Variants in MINDY2 observed in about 807,000 individuals in gnomAD.
The protein encoded by MINDY2 is MINDY lysine 48 deubiquitinase 2, also known as ubiquitin carboxyl-terminal hydrolase MINDY-2.
MINDY2 carries 52 observed loss-of-function variants against 68.2 expected under a neutral mutation model. That is an observed-to-expected ratio of 0.76 (90% CI 0.61 to 0.96). The LOEUF is 0.96. Among genes scored for constraint, MINDY2 ranks in the 40% least tolerant of loss-of-function variants. The pLI, the probability that MINDY2 is intolerant of heterozygous loss-of-function variation, is 0.00. For missense variants in MINDY2, 881 were observed against 773.4 expected, an observed-to-expected ratio of 1.14 and a Z score of -1.65; for synonymous variants, 372 against 303.0, an observed-to-expected ratio of 1.23 and a Z score of -2.36.
chr15:58,789,302 C>G (rs1037180053), intron 2 of MINDY2, among the ~76,000 whole-genome samples: 6 of 152,200 alleles, frequency 3.9e-5, no homozygotes, highest in African/African-American at 1.2e-4. Flanking sequence ...TGCACCACTG[C>G]ACTCCAGCCT....
chr15:58,840,769 G>C (rs1189850705), intron 6 of MINDY2, among the ~76,000 whole-genome samples: 2 of 148,752 alleles, frequency 1.3e-5, no homozygotes, highest in African/African-American at 4.9e-5. Context: ...CCATTCTCCT[G>C]CCTCAGCCTC....
intron 6 of MINDY2, among the ~76,000 whole-genome samples, chr15:58,833,179 A>G (rs2031824567): frequency 6.6e-6 from 1 of 152,234 alleles, no homozygotes; most frequent in South Asian, 2.1e-4. Context: ...CATCAGTAAT[A>G]TACCGAAAAT....
At chr15:58,796,757 A>G (rs1436712064) in intron 2 of MINDY2, among the ~76,000 whole-genome samples, 1 of 152,184 alleles carries the variant, frequency 6.6e-6, no homozygotes, top group African/African-American at 2.4e-5. Context: ...TCCTGACCTC[A>G]AGTGATCCAC....
chr15:58,787,845 C>T, intron 1 of MINDY2, 61 bp from the exon 2 acceptor site: 2 of 1,138,132 alleles, frequency 1.8e-6, no homozygotes, highest in Non-Finnish European at 2.6e-6. Context: ...TTTCTGACTG[C>T]AAGAAATACT....
intron 6 of MINDY2, among the ~76,000 whole-genome samples, chr15:58,845,097 A>C (rs1256932103): frequency 1.3e-5 from 2 of 151,932 alleles, no homozygotes; most frequent in African/African-American, 4.8e-5. Flanking sequence ...TTCAGTAGAC[A>C]TTTCTCCAAA....
chr15:58,771,978 G>A lies in MINDY2; in HGVS notation c.583G>A (p.Glu195Lys), dbSNP rs746613701. The change falls in exon 1 of 9, where the codon GAG (glutamate) becomes AAG (lysine). Residue 195 changes from glutamate (E) to lysine (K), a missense_variant. Glu to Lys is a moderately conservative substitution (Grantham distance 56). Coordinates refer to ENST00000559228, the MANE Select transcript of MINDY2 (RefSeq NM_001040450.3). ...FPSSCEFNSE[E>K]GAENRVPEEE... ...CAGTAGCTGCGAGTTCAATAGTGAG[G>A]AGGGAGCGGAGAACAGGGTCCCTGA... 2 of 1,580,130 alleles carry A rather than the reference G, an allele frequency of 1.3e-6. No homozygotes were observed. Among genetic ancestry groups the A allele is most frequent in the Non-Finnish European group, 1.7e-6 (2 of 1,164,880 alleles).
rs550107644 is a variant in MINDY2 at position 58,842,757 on chromosome 15, G to A, written c.1369-4540G>A. Among the ~76,000 whole-genome samples, 10 of 152,236 alleles carry A rather than the reference G, an allele frequency of 6.6e-5. No homozygotes were observed. In the South Asian group the frequency reaches 1.9e-3, roughly 28 times the overall value. On this transcript the variant is annotated intron_variant, in intron 6 of 8. Transcript: ENST00000559228. Reference sequence around the variant, plus strand: ...TGTACTATATTAAGCATTTTATATGGATTATCTCATTTAATCTTCACAACT... The same window carrying A: ...TGTACTATATTAAGCATTTTATATGAATTATCTCATTTAATCTTCACAACT...
At chr15:58,827,537 C>T (rs987714561) in intron 5 of MINDY2, among the ~76,000 whole-genome samples, 1 of 152,150 alleles carries the variant, frequency 6.6e-6, no homozygotes, top group Admixed American at 6.5e-5. Flanking sequence ...GATCTCGGCT[C>T]ACTGTAAGCT....
intron 7 of MINDY2, among the ~76,000 whole-genome samples, chr15:58,849,890 C>T (rs1386859002): frequency 6.6e-6 from 1 of 152,080 alleles, no homozygotes; most frequent in Non-Finnish European, 1.5e-5. Context: ...GCATGTGCCA[C>T]CACACCCGGC....
At chr15:58,819,404 C>T (rs753272709) in intron 4 of MINDY2, among the ~76,000 whole-genome samples, 6 of 152,246 alleles carry the variant, frequency 3.9e-5, no homozygotes, top group Admixed American at 6.5e-5. Flanking sequence ...GCTGTGATCA[C>T]GCCACTACAT....
rs933347377 is a variant in MINDY2, at chr15:58,821,629, T to C, written c.1123-88T>C. 7 of 645,144 alleles carry C rather than the reference T, an allele frequency of 1.1e-5. No individual in the cohort carries two copies. In the Admixed American group the frequency reaches 2.5e-4, roughly 23 times the overall value. 40.0% of individuals were successfully genotyped at this position (645,144 alleles called of 1,614,324 possible). The stretch of plus-strand genomic sequence containing the variant: ...AATAGTTTTATATTTAGTATTATAT[T>C]AGAATAAAATTCTAAAGAGTGATAT... On this transcript the variant is annotated intron_variant, in intron 4 of 8. Transcript: ENST00000559228.
intron 2 of MINDY2, among the ~76,000 whole-genome samples, chr15:58,799,527 C>G (rs1432034237): frequency 6.7e-6 from 1 of 150,002 alleles, no homozygotes; most frequent in Admixed American, 6.7e-5. Flanking sequence ...TGCAGTGAGC[C>G]GAGATGGCAC....
intron 5 of MINDY2, among the ~76,000 whole-genome samples, chr15:58,830,285 A>C (rs953757107): frequency 6.6e-6 from 1 of 152,184 alleles, no homozygotes; most frequent in Non-Finnish European, 1.5e-5. Flanking sequence ...AACTTGTTTT[A>C]TGTGTGTTTC....
chr15:58,841,696 C>T (rs763773813), intron 6 of MINDY2, among the ~76,000 whole-genome samples: 12 of 152,212 alleles, frequency 7.9e-5, no homozygotes, highest in African/African-American at 1.9e-4. Flanking sequence ...TGAGCCACCG[C>T]GCCCGGCTGA....
intron 4 of MINDY2, chr15:58,815,458 C>T (rs1275813952): frequency 1.3e-5 from 2 of 152,124 alleles, no homozygotes; most frequent in Non-Finnish European, 2.9e-5. Context: ...TCAAGCAATC[C>T]TCCCTACTCG....
At chr15:58,834,859 C>T (rs1844941997) in intron 6 of MINDY2, among the ~76,000 whole-genome samples, 1 of 152,206 alleles carries the variant, frequency 6.6e-6, no homozygotes, top group Non-Finnish European at 1.5e-5. Context: ...CCATTCCTAT[C>T]TTAGTTATAG....
chr15:58,842,561 G>T (rs889402791), intron 6 of MINDY2, among the ~76,000 whole-genome samples: 2 of 152,000 alleles, frequency 1.3e-5, no homozygotes, highest in African/African-American at 4.8e-5. Context: ...AAGGGGAGGG[G>T]GCAGAATTTG....
intron 7 of MINDY2, among the ~76,000 whole-genome samples, chr15:58,849,265 G>C (rs1215214195): frequency 6.6e-6 from 1 of 151,844 alleles, no homozygotes; most frequent in East Asian, 1.9e-4. Flanking sequence ...CACTTTGGGA[G>C]GCCAAGGCGG....
intron 1 of MINDY2, among the ~76,000 whole-genome samples, chr15:58,773,700 CGTTT>C (rs755553313): frequency 2.9e-4 from 43 of 147,776 alleles, no homozygotes; most frequent in Non-Finnish European, 4.9e-4. Context: ...TTTTTTTTTT[CGTTT>C]GTTTGTTTGT....
Sources: allele counts gnomAD v4.1 joint callset (sites outside exome capture counted in the v4.1 genomes callset), GRCh38; gene constraint gnomAD v4.1.1; transcripts MANE v1.5; gene names NCBI Gene and HGNC (gene_info 2026-07-23, HGNC 2026-07-21).